The following HDAC8 variants were observed in gnomAD, a reference collection of about 807,000 sequenced individuals.
HDAC8 encodes histone deacetylase-like 1.
In HDAC8, 1 loss-of-function variant was observed where a neutral mutation model predicts 32.2. That is an observed-to-expected ratio of 0.03 (90% CI 0.01 to 0.15). HDAC8 has a LOEUF of 0.15. Among genes scored for constraint, HDAC8 ranks in the 10% least tolerant of loss-of-function variants. The probability of loss-of-function intolerance (pLI) is 1.00; values close to 1 mark genes in which losing one functional copy is unlikely to be tolerated. For synonymous variants in HDAC8, 108 were observed against 113.9 expected, an observed-to-expected ratio of 0.95 and a Z score of 0.33; for missense variants, 117 against 300.0, an observed-to-expected ratio of 0.39 and a Z score of 4.51.
intron 4 of HDAC8, among the ~76,000 whole-genome samples, chrX:72,534,868 T>C (rs1410711091): frequency 1.8e-5 from 2 of 112,050 alleles, no homozygotes; most frequent in Admixed American, 1.9e-4. Flanking sequence ...ATTCACTTCA[T>C]ACATTTTGGG....
chrX:72,338,143 T>G (rs1280381682), intron 10 of HDAC8, among the ~76,000 whole-genome samples: 1 of 110,063 alleles, frequency 9.1e-6, no homozygotes, highest in Non-Finnish European at 1.9e-5. Flanking sequence ...TGTTTGTTTC[T>G]TTATTTGCTC....
At chrX:72,437,483 C>A (rs1555979695) in intron 9 of HDAC8, among the ~76,000 whole-genome samples, 1 of 110,626 alleles carries the variant, frequency 9.0e-6, no homozygotes, top group East Asian at 2.8e-4. Flanking sequence ...GGAATGCCAG[C>A]AAGACAGAAC....
At chrX:72,399,723 TGGCC>T (rs2045855760) in intron 9 of HDAC8, among the ~76,000 whole-genome samples, 2 of 112,307 alleles carry the variant, frequency 1.8e-5, no homozygotes, top group African/African-American at 6.5e-5. Flanking sequence ...ACACTGTGCC[TGGCC>T]TCTCCATTTC....
At chrX:72,400,932 A>T (rs1555967169) in intron 9 of HDAC8, among the ~76,000 whole-genome samples, 1 of 112,530 alleles carries the variant, frequency 8.9e-6, no homozygotes, top group African/African-American at 3.2e-5. Context: ...GTTTATTGCC[A>T]AATAATATTC....
At chrX:72,440,902 G>T (rs935862241) in intron 9 of HDAC8, among the ~76,000 whole-genome samples, 7 of 112,781 alleles carry the variant, frequency 6.2e-5, no homozygotes, top group African/African-American at 1.9e-4. Flanking sequence ...GGCTTGGGGG[G>T]GTCCTACGCC....
chrX:72,559,957 C>T (rs1243244058), intron 4 of HDAC8, among the ~76,000 whole-genome samples: 3 of 105,917 alleles, frequency 2.8e-5, no homozygotes, highest in African/African-American at 6.9e-5. Flanking sequence ...GGGCAGCCCC[C>T]GCCCGGCCGC....
chrX:72,555,291 C>A (rs1274941599), intron 4 of HDAC8, among the ~76,000 whole-genome samples: 1 of 111,802 alleles, frequency 8.9e-6, no homozygotes, highest in African/African-American at 3.3e-5. Context: ...ACAGTCTACC[C>A]AAATGAGAAG....
chrX:72,525,393 C>A (rs1164311978), intron 4 of HDAC8, among the ~76,000 whole-genome samples: 1 of 111,096 alleles, frequency 9.0e-6, no homozygotes, highest in Non-Finnish European at 1.9e-5. Flanking sequence ...CCTCCCACTG[C>A]CAATCACAGG....
chrX:72,541,458 G>A (rs781903855), intron 4 of HDAC8, among the ~76,000 whole-genome samples: 3 of 112,367 alleles, frequency 2.7e-5, no homozygotes, highest in Admixed American at 9.4e-5. Context: ...TAGGGACTTC[G>A]GCTTTTACTC....
At chrX:72,527,482 C>T (rs1556032940) in intron 4 of HDAC8, among the ~76,000 whole-genome samples, 2 of 111,873 alleles carry the variant, frequency 1.8e-5, no homozygotes, top group African/African-American at 3.3e-5. Context: ...TGACCATGAA[C>T]TTCTTGAAGC....
At chrX:72,483,161 G>C (rs1410764962) in intron 7 of HDAC8, among the ~76,000 whole-genome samples, 1 of 112,022 alleles carries the variant, frequency 8.9e-6, no homozygotes, top group African/African-American at 3.2e-5. Context: ...AAACTATGTA[G>C]CTTGGTAGCT....
At chrX:72,385,199 C>G (rs1193799895) in intron 9 of HDAC8, among the ~76,000 whole-genome samples, 2 of 111,928 alleles carry the variant, frequency 1.8e-5, no homozygotes, top group African/African-American at 6.5e-5. Context: ...TGCAGTGGCT[C>G]ATGCCTGTAA....
chrX:72,371,276 C>T (rs2044867691), intron 9 of HDAC8, among the ~76,000 whole-genome samples: 1 of 111,750 alleles, frequency 8.9e-6, no homozygotes, highest in Non-Finnish European at 1.9e-5. Flanking sequence ...TTATACTCTT[C>T]TCTCTGCTTT....
chrX:72,478,655 CTT>C (rs199844895), intron 7 of HDAC8, among the ~76,000 whole-genome samples: 31 of 93,733 alleles, frequency 3.3e-4, no homozygotes, highest in Non-Finnish European at 4.1e-4. Flanking sequence ...TCCTTTAGTC[CTT>C]TTTTTTTTTT....
chrX:72,377,799 T>C (rs1371709033), intron 9 of HDAC8, among the ~76,000 whole-genome samples: 1 of 111,809 alleles, frequency 8.9e-6, no homozygotes, highest in Admixed American at 9.6e-5. Flanking sequence ...TTTAATCATT[T>C]ACATTTAATA....
At chrX:72,563,918 T>C (rs1258888390) in intron 4 of HDAC8, among the ~76,000 whole-genome samples, 1 of 111,658 alleles carries the variant, frequency 9.0e-6, no homozygotes, top group African/African-American at 3.3e-5. Flanking sequence ...TCCCAGCACC[T>C]TGGGAGGCCG....
intron 9 of HDAC8, among the ~76,000 whole-genome samples, chrX:72,360,478 C>T (rs782458177): frequency 3.6e-4 from 40 of 112,566 alleles, no homozygotes; most frequent in African/African-American, 1.3e-3. Flanking sequence ...ATACTTGCTT[C>T]TATCAGGGCA....
At position 72,474,029 on chromosome X, in the gene HDAC8, C is replaced by T. The variant is rs113662538; in HGVS notation, c.738-9298G>A. 3,870 of 626,010 alleles carry T rather than the reference C, an allele frequency of 6.2e-3. 31 individuals carry two copies. Among genetic ancestry groups the T allele is most frequent in the African/African-American group, 0.04 (1,635 of 40,782 alleles). 51.6% of individuals were successfully genotyped at this position (626,010 alleles called of 1,213,427 possible). On this transcript the variant is annotated intron_variant, in intron 7 of 10. Transcript: ENST00000373573. ...TCTCCCAACTTTGATCTTGCTGTAC[C>T]CTGTGTGTAGAACATCCTTCCCTAC...
chrX:72,527,888 G>A (rs899409099), intron 4 of HDAC8, among the ~76,000 whole-genome samples: 5 of 105,542 alleles, frequency 4.7e-5, no homozygotes, highest in African/African-American at 1.7e-4. Context: ...TGATTCTCCT[G>A]CCTCAGCCTC....
Sources: allele counts gnomAD v4.1 joint callset (sites outside exome capture counted in the v4.1 genomes callset), GRCh38; gene constraint gnomAD v4.1.1; transcripts MANE v1.5; gene names NCBI Gene and HGNC (gene_info 2026-07-23, HGNC 2026-07-21).